PON3: variants seen among roughly 807,000 people sequenced by gnomAD.
PON3 encodes paraoxonase 3.
In PON3, 37 loss-of-function variants were observed where a neutral mutation model predicts 36.3. The ratio of observed to expected loss-of-function variants is 1.02; its 90% CI spans 0.78 to 1.34. The LOEUF (loss-of-function observed/expected upper bound fraction) is 1.34. Among genes scored for constraint, PON3 ranks in the 40% most tolerant of loss-of-function variants. PON3 has a pLI of 0.00. For synonymous variants in PON3, 155 were observed against 154.8 expected (o/e 1.00, Z -0.01); for missense variants, 415 against 426.5 (o/e 0.97, Z 0.24).
chr7:95,380,186 C>T (rs527612815), intron 3 of PON3, among the ~76,000 whole-genome samples: 2 of 152,274 alleles, frequency 1.3e-5, no homozygotes, highest in South Asian at 2.1e-4. Flanking sequence ...GACATCCACA[C>T]CAAAACCCCA....
At chr7:95,363,437 C>G (rs991879778) in intron 6 of PON3, 5 of 214,298 alleles carry the variant, frequency 2.3e-5, no homozygotes, top group Non-Finnish European at 4.7e-5. Context: ...GTCAGTAGGT[C>G]TGAAACTTAT....
intron 3 of PON3, among the ~76,000 whole-genome samples, chr7:95,377,288 C>A (rs750440008): frequency 1.3e-5 from 2 of 152,156 alleles, no homozygotes; most frequent in African/African-American, 2.4e-5. Context: ...CAGAGCCCAC[C>A]ACAGCTCAGC....
chr7:95,366,318 C>T (rs1808692131), intron 5 of PON3, among the ~76,000 whole-genome samples: 1 of 152,124 alleles, frequency 6.6e-6, no homozygotes, highest in Admixed American at 6.5e-5. Context: ...CCACAGTTTC[C>T]CAGCAACCCT....
intron 3 of PON3, among the ~76,000 whole-genome samples, chr7:95,380,764 T>C (rs1299576565): frequency 6.6e-6 from 1 of 152,188 alleles, no homozygotes; most frequent in Non-Finnish European, 1.5e-5. Context: ...TGGAACCAAG[T>C]TGGAAAACAC....
At chr7:95,390,270 C>T in intron 2 of PON3, 61 bp from the exon 3 acceptor site, 1 of 1,265,190 alleles carries the variant, frequency 7.9e-7, no homozygotes, top group Admixed American at 1.7e-5. Flanking sequence ...ATACGTCTCA[C>T]AGTCCAAACT....
intron 5 of PON3, chr7:95,364,866 C>A (rs1200225638): frequency 6.6e-6 from 1 of 151,274 alleles, no homozygotes; most frequent in East Asian, 2.0e-4. Context: ...CTTATTCTTA[C>A]AATCCGTAAG....
Position 95,360,104 on chromosome 7 carries a change from C to T in PON3, c.934G>A (p.Glu312Lys), listed in dbSNP as rs200038070. 1.9e-6 allele frequency: 3 copies of T among 1,613,772 alleles called. No homozygotes were observed. The highest frequency in any genetic ancestry group is 2.5e-6 in the Non-Finnish European group (3 of 1,179,724). ...EVLRIQNVLS[E>K]KPRVSTVYAN... ...TACACGGTGCTCACCCTGGGCTTCTCAGACAAAACATTCTGGATGCGAAGT... is the reference window on the plus strand; with the variant it reads ...TACACGGTGCTCACCCTGGGCTTCTTAGACAAAACATTCTGGATGCGAAGT... Residue 312 changes from glutamate (E) to lysine (K), a missense_variant, in exon 9 of 9, where the codon GAG (glutamate) becomes AAG (lysine). By Grantham distance (56) the Glu-to-Lys change is moderately conservative. Coordinates refer to ENST00000265627, the MANE Select transcript of PON3 (RefSeq NM_000940.3).
chr7:95,373,389 CCTT>C (rs1808850772), intron 3 of PON3, among the ~76,000 whole-genome samples: 3 of 152,242 alleles, frequency 2.0e-5, no homozygotes, highest in South Asian at 4.2e-4. Context: ...TTAGAACAGT[CCTT>C]CTATGCCCAA....
chr7:95,395,458 G>A (rs1809408135), intron 1 of PON3, among the ~76,000 whole-genome samples: 1 of 151,994 alleles, frequency 6.6e-6, no homozygotes, highest in Non-Finnish European at 1.5e-5. Flanking sequence ...TCTCCATGTG[G>A]TTGCACTGGG....
chr7:95,394,776 T>C (rs763965856), intron 1 of PON3, 62 bp from the exon 2 acceptor site: 7 of 1,326,986 alleles, frequency 5.3e-6, no homozygotes, highest in Non-Finnish European at 7.6e-6. Flanking sequence ...TATGTTTAAA[T>C]GTGGACTTCA....
intron 5 of PON3, chr7:95,364,315 T>G (rs896066677): frequency 1.9e-6 from 1 of 524,446 alleles, no homozygotes; most frequent in African/African-American, 1.9e-5. Flanking sequence ...AATTCACAAA[T>G]AAATCTCAAA....
intron 3 of PON3, among the ~76,000 whole-genome samples, chr7:95,377,970 G>C (rs1390787104): frequency 1.3e-5 from 2 of 152,110 alleles, no homozygotes; most frequent in South Asian, 2.1e-4. Flanking sequence ...CGAGCTAAAG[G>C]AGCATGTTCT....
chr7:95,383,090 G>A (rs1267210707), intron 3 of PON3, among the ~76,000 whole-genome samples: 1 of 151,988 alleles, frequency 6.6e-6, no homozygotes, highest in Admixed American at 6.6e-5. Context: ...AAACAGAACT[G>A]AAGATAAAAA....
intron 5 of PON3, 154 bp from the exon 6 acceptor site, chr7:95,364,217 C>A (rs1808642178): frequency 1.5e-6 from 1 of 671,576 alleles, no homozygotes; most frequent in Non-Finnish European, 2.6e-6. Context: ...CACAGAAAAT[C>A]ATGATTCTGC....
rs1808601163 is a variant in PON3 at position 95,362,756 on chromosome 7, T to C, written c.777+4A>G. 4 of 1,601,278 alleles carry C rather than the reference T, an allele frequency of 2.5e-6. No individual in the cohort carries two copies. The highest frequency in any genetic ancestry group is 2.2e-5 in the East Asian group (1 of 44,810). ...ATTGTGTGGGCCAGACAGGGTACTC[T>C]TACCTTCAGTTGAGTTAAATCCCAG... On this transcript the variant is annotated splice_donor_region_variant and intron_variant, in intron 7 of 8. Coordinates refer to ENST00000265627, the MANE Select transcript of PON3 (RefSeq NM_000940.3).
chr7:95,381,483 G>C (rs112004816), intron 3 of PON3, among the ~76,000 whole-genome samples: 1 of 152,034 alleles, frequency 6.6e-6, no homozygotes, highest in African/African-American at 2.4e-5. Context: ...ACACACATAG[G>C]CTCAAAATAA....
intron 3 of PON3, among the ~76,000 whole-genome samples, chr7:95,382,276 C>T (rs1429264590): frequency 6.6e-6 from 1 of 152,170 alleles, no homozygotes; most frequent in African/African-American, 2.4e-5. Context: ...GACAACCTAA[C>T]ATCACAATTA....
At position 95,372,281 on chromosome 7, in the gene PON3, A is replaced by C; in HGVS notation, c.259T>G (p.Leu87Val). The change falls in exon 4 of 9, where the codon TTG (leucine) becomes GTG (valine). Residue 87 changes from leucine (L) to valine (V), a missense_variant. By Grantham distance (32) the Leu-to-Val change is conservative. Transcript: ENST00000265627. ...FAPDEPGKIF[L>V]MDLNEQNPRA... is the part of the protein sequence containing the mutation. ...GGGTTTTGTTCATTCAGATCCATCA[A>C]GAAGATTTTTCCTGGTTCATCTGGC... 1 of 1,613,990 alleles carries C rather than the reference A, an allele frequency of 6.2e-7. No individual in the cohort carries two copies. Among genetic ancestry groups the C allele is most frequent in the South Asian group, 1.1e-5 (1 of 91,080 alleles).
At chr7:95,380,677 A>C (rs1034090560) in intron 3 of PON3, among the ~76,000 whole-genome samples, 1 of 152,224 alleles carries the variant, frequency 6.6e-6, no homozygotes, top group Admixed American at 6.5e-5. Flanking sequence ...AAATGAACAA[A>C]GCCTCCAAGA....
Sources: gnomAD v4.1 joint callset for allele counts (sites outside exome capture counted in the v4.1 genomes callset) on GRCh38, gnomAD v4.1.1 for gene constraint, MANE v1.5 for transcripts, NCBI Gene and HGNC (gene_info 2026-07-23, HGNC 2026-07-21) for gene names.